The following MICAL3 variants were observed in gnomAD, a reference collection of about 807,000 sequenced individuals.
The protein encoded by MICAL3 is [F-actin]-monooxygenase MICAL3.
In MICAL3, 62 loss-of-function variants were observed where a neutral mutation model predicts 207.4. That is an observed-to-expected ratio of 0.30 (90% CI 0.24 to 0.37). The LOEUF (loss-of-function observed/expected upper bound fraction) is 0.37, where lower values mean the gene tolerates loss of function less well. Among genes scored for constraint, MICAL3 ranks in the 10% least tolerant of loss-of-function variants. The pLI, the probability that MICAL3 is intolerant of heterozygous loss-of-function variation, is 1.00. For missense variants in MICAL3, 2,368 were observed against 2,635.6 expected (o/e 0.90, Z 2.22); for synonymous variants, 1,077 against 1,069.3 (o/e 1.01, Z -0.14).
At chr22:17,849,166 C>T (rs1223271776) in intron 19 of MICAL3, among the ~76,000 whole-genome samples, 5 of 152,174 alleles carry the variant, frequency 3.3e-5, no homozygotes, top group Non-Finnish European at 7.3e-5. Context: ...GTGCCGGGCA[C>T]GACGACAGGC....
At chr22:17,925,473 G>A (rs942584212) in intron 1 of MICAL3, among the ~76,000 whole-genome samples, 2 of 152,150 alleles carry the variant, frequency 1.3e-5, no homozygotes, top group African/African-American at 2.4e-5. Context: ...TCCCAAACCT[G>A]AAGACGATTA....
intron 1 of MICAL3, among the ~76,000 whole-genome samples, chr22:17,930,295 C>T (rs1195511874): frequency 6.6e-6 from 1 of 152,220 alleles, no homozygotes; most frequent in Non-Finnish European, 1.5e-5. Flanking sequence ...TCAGCAATTC[C>T]ATTCTTGGGG....
intron 1 of MICAL3, among the ~76,000 whole-genome samples, chr22:17,943,696 G>A (rs1347017290): frequency 2.6e-5 from 4 of 152,284 alleles, no homozygotes; most frequent in African/African-American, 9.6e-5. Context: ...GGAAACAAAA[G>A]AGCAATAATA....
intron 19 of MICAL3, among the ~76,000 whole-genome samples, chr22:17,854,240 T>C (rs1925657001): frequency 6.6e-6 from 1 of 151,988 alleles, no homozygotes; most frequent in African/African-American, 2.4e-5. Flanking sequence ...GTGCTACTGA[T>C]GTCTGATGGG....
chr22:17,980,507 G>A (rs1338138438), intron 1 of MICAL3, among the ~76,000 whole-genome samples: 4 of 152,164 alleles, frequency 2.6e-5, no homozygotes, highest in Admixed American at 1.3e-4. Flanking sequence ...TTCAGCTCCT[G>A]GAAAACCATC....
At position 17,902,526 on chromosome 22, in the gene MICAL3, G is replaced by A; in HGVS notation, c.589+105C>T. On this transcript the variant is annotated intron_variant, in intron 4 of 31. Transcript: ENST00000441493. This position sits in a 1 kb window ranked among gnomAD's most constrained non-coding sequence, Gnocchi z 4.5. ...TCCCCAAAGGCACAGGCTTTGGCTA[G>A]CTCTGGAAGCAGCCCTCAGGAGCCT... 1 of 654,396 alleles carries A rather than the reference G, an allele frequency of 1.5e-6. No individual in the cohort carries two copies. Among genetic ancestry groups the A allele is most frequent in the Non-Finnish European group, 2.7e-6 (1 of 375,392 alleles). 40.5% of individuals were successfully genotyped at this position (654,396 alleles called of 1,614,324 possible). A position where few individuals can be genotyped will look rare whatever the true frequency, so the allele number is the denominator to read the frequency against.
chr22:17,825,710 G>A (rs77003589), intron 22 of MICAL3, among the ~76,000 whole-genome samples: 2,312 of 152,314 alleles, frequency 0.015, 33 homozygotes, highest in Non-Finnish European at 0.023. Context: ...CTGACAACTC[G>A]TGGAGGGATT....
At chr22:18,003,913 A>G (rs1225593467) in intron 1 of MICAL3, among the ~76,000 whole-genome samples, 1 of 151,330 alleles carries the variant, frequency 6.6e-6, no homozygotes, top group Admixed American at 6.6e-5. Flanking sequence ...GGGACCACAG[A>G]TACCTGCCAC....
chr22:17,808,279 T>C (rs1601940997), intron 29 of MICAL3, among the ~76,000 whole-genome samples: 1 of 152,232 alleles, frequency 6.6e-6, no homozygotes, highest in Admixed American at 6.5e-5. Context: ...GCTGGTCACA[T>C]ACCCTGAGCC....
In MICAL3 at chr22:17,902,613, T is replaced by C; in HGVS notation, c.589+18A>G. 1 of 1,465,082 alleles carries C rather than the reference T, an allele frequency of 6.8e-7. No homozygotes were observed. Among genetic ancestry groups the C allele is most frequent in the Non-Finnish European group, 9.5e-7 (1 of 1,056,412 alleles). The allele number at this position is 1,465,082 out of a possible 1,614,324, so 90.8% of individuals were successfully genotyped here. On this transcript the variant is annotated intron_variant, in intron 4 of 31. Coordinates refer to ENST00000441493, the MANE Select transcript of MICAL3 (RefSeq NM_015241.3). This position sits in a 1 kb window ranked among gnomAD's most constrained non-coding sequence, Gnocchi z 4.5. ...CAACACCCTCTCACGCCTTCTTCACTCCTCCAGTATAACTTACGTTCATTC... is the reference window on the plus strand; with the variant it reads ...CAACACCCTCTCACGCCTTCTTCACCCCTCCAGTATAACTTACGTTCATTC...
In MICAL3 at chr22:17,938,346, G is replaced by A. The variant is rs977990055; in HGVS notation, c.-74-31460C>T. ...CATAGGGGGACCAGAGCAACCAACC[G>A]GGAGGGAAGTAGGTTTGAATTCAGA... is the stretch of plus-strand genomic sequence containing the variant. On this transcript the variant is annotated intron_variant, in intron 1 of 31. Transcript: ENST00000441493. 3.3e-5 allele frequency among the ~76,000 whole-genome samples: 5 copies of A among 152,182 alleles called. No individual in the cohort carries two copies. In the South Asian group the frequency reaches 8.3e-4, roughly 25 times the overall value.
chr22:17,972,780 C>A (rs1935476029), intron 1 of MICAL3, among the ~76,000 whole-genome samples: 1 of 152,190 alleles, frequency 6.6e-6, no homozygotes, highest in Non-Finnish European at 1.5e-5. Context: ...GAAAAATAAT[C>A]CAAATTGTTG....
intron 1 of MICAL3, among the ~76,000 whole-genome samples, chr22:17,943,888 T>C (rs1466425254): frequency 6.6e-6 from 1 of 152,138 alleles, no homozygotes; most frequent in East Asian, 1.9e-4. Flanking sequence ...GAGTTTTTCT[T>C]TTACCTTTTT....
At chr22:17,849,856 G>C (rs1925102920) in intron 19 of MICAL3, among the ~76,000 whole-genome samples, 1 of 151,180 alleles carries the variant, frequency 6.6e-6, no homozygotes, top group Admixed American at 6.6e-5. Context: ...CATCAGGCTG[G>C]ATAATTTTTA....
intron 1 of MICAL3, among the ~76,000 whole-genome samples, chr22:17,929,712 T>C (rs749100050): frequency 9.4e-4 from 142 of 151,776 alleles, no homozygotes; most frequent in Non-Finnish European, 1.7e-3. Flanking sequence ...GGACTACAGA[T>C]GCCCGCCACC....
At chr22:17,801,902 C>T (rs574864621) in intron 29 of MICAL3, among the ~76,000 whole-genome samples, 1 of 151,294 alleles carries the variant, frequency 6.6e-6, no homozygotes, top group Admixed American at 6.6e-5. Context: ...TCAAAAAAAA[C>T]AAACAAACAA....
At chr22:17,873,454 C>T (rs919793626) in intron 16 of MICAL3, among the ~76,000 whole-genome samples, 1 of 152,260 alleles carries the variant, frequency 6.6e-6, no homozygotes, top group Non-Finnish European at 1.5e-5. Context: ...AAGAAGCCTT[C>T]TCAGCCCTTT....
chr22:17,889,319 G>T, intron 12 of MICAL3, 89 bp from the exon 13 acceptor site: 1 of 971,144 alleles, frequency 1.0e-6, no homozygotes, highest in Non-Finnish European at 1.6e-6. Context: ...TCCTTTCTCT[G>T]TTTTCAGCTA....
At chr22:17,996,761 C>T (rs1344067445) in intron 1 of MICAL3, among the ~76,000 whole-genome samples, 1 of 152,140 alleles carries the variant, frequency 6.6e-6, no homozygotes, top group African/African-American at 2.4e-5. Flanking sequence ...TTCTGAACCA[C>T]ATCCCCACCA....
Sources: allele counts gnomAD v4.1 joint callset (sites outside exome capture counted in the v4.1 genomes callset), GRCh38; gene constraint gnomAD v4.1.1; non-coding constraint Gnocchi (gnomAD v3.1); transcripts MANE v1.5; gene names NCBI Gene and HGNC (gene_info 2026-07-23, HGNC 2026-07-21).